The following EML5 variants were observed in gnomAD, a reference collection of about 807,000 sequenced individuals.
The protein encoded by EML5 is EMAP like 5, also known as echinoderm microtubule-associated protein-like 5.
Under a neutral mutation model 250.0 loss-of-function variants are expected in EML5, and 120 were observed. The ratio of observed to expected loss-of-function variants is 0.48; its 90% CI spans 0.41 to 0.56. EML5 has a LOEUF of 0.56. Ranked by LOEUF, EML5 falls within the 20% of genes least tolerant of loss-of-function variation. The probability of loss-of-function intolerance (pLI) is 0.00; values close to 1 mark genes in which losing one functional copy is unlikely to be tolerated. For synonymous variants in EML5, 771 were observed against 806.5 expected (o/e 0.96, Z 0.75); for missense variants, 2,006 against 2,437.6 (o/e 0.82, Z 3.73).
rs1210591129 is a variant in EML5 at position 88,618,259 on chromosome 14, T to C, written c.5611A>G (p.Ile1871Val). ...CATGTAGCCCAAGTAATTCTGTCAATAGCGGCATGATCCATAAGATGTTTT... is the reference window on the plus strand; with the variant it reads ...CATGTAGCCCAAGTAATTCTGTCAACAGCGGCATGATCCATAAGATGTTTT... ...SGKHLMDHAA[I>V]DRITWATWTS... is the part of the protein sequence containing the mutation. The change falls in exon 41 of 44, where the codon ATT (isoleucine) becomes GTT (valine). Residue 1871 changes from isoleucine to valine, a missense_variant. This residue lies in a region of EML5 where 405 missense variants were observed against 523.3 expected (regional missense o/e 0.77). Transcript: ENST00000554922. 5 of 1,613,802 alleles carry C rather than the reference T, an allele frequency of 3.1e-6. No homozygotes were observed. The highest frequency in any genetic ancestry group is 4.2e-6 in the Non-Finnish European group (5 of 1,179,838).
At chr14:88,662,886 T>C (rs552431668) in intron 24 of EML5, 145 bp downstream of exon 24, 2 of 613,546 alleles carry the variant, frequency 3.3e-6, no homozygotes, top group Non-Finnish European at 5.5e-6. Context: ...ACCCATGTAT[T>C]CTGACTCAAT....
intron 19 of EML5, among the ~76,000 whole-genome samples, chr14:88,685,876 C>G (rs553890649): frequency 6.6e-6 from 1 of 151,934 alleles, no homozygotes; most frequent in South Asian, 2.1e-4. Flanking sequence ...TTTTATTTTT[C>G]TCTAGCATAT....
intron 8 of EML5, among the ~76,000 whole-genome samples, chr14:88,718,397 T>C (rs968046115): frequency 2.0e-5 from 3 of 152,174 alleles, no homozygotes; most frequent in Admixed American, 6.6e-5. Flanking sequence ...TTTGAGGACC[T>C]CTAATATTTA....
At position 88,622,606 on chromosome 14, in the gene EML5, T is replaced by C. The variant is rs769203272; in HGVS notation, c.5011A>G (p.Lys1671Glu). 3.8e-6 allele frequency: 6 copies of C among 1,597,224 alleles called. No homozygotes were observed. The South Asian group carries it at 6.8e-5, about 18-fold the overall frequency. Residue 1671 changes from lysine to glutamate, a missense_variant and splice_region_variant, in exon 37 of 44, where the codon AAA becomes GAA. Coordinates refer to ENST00000554922, the MANE Select transcript of EML5 (RefSeq NM_183387.3). ...TDCVRSVCRG[K>E]GKILVGTRNA... Reference sequence around the variant, plus strand: ...TATCAGCTCATGGAACATCTTACTTTGCCTCTGCACACAGAACGAACACAA... The same window carrying C: ...TATCAGCTCATGGAACATCTTACTTCGCCTCTGCACACAGAACGAACACAA...
At chr14:88,776,593 G>A (rs1400222985) in intron 1 of EML5, among the ~76,000 whole-genome samples, 4 of 151,836 alleles carry the variant, frequency 2.6e-5, no homozygotes, top group African/African-American at 4.8e-5. Flanking sequence ...AAAAAACAAT[G>A]AAGTGGGTCG....
intron 21 of EML5, among the ~76,000 whole-genome samples, chr14:88,668,537 G>A (rs2092370550): frequency 6.6e-6 from 1 of 152,180 alleles, no homozygotes; most frequent in African/African-American, 2.4e-5. Flanking sequence ...AAATGGACAA[G>A]TAGGGAAAAA....
At chr14:88,664,663 T>C (rs1315988028) in intron 22 of EML5, 39 bp from the exon 23 acceptor site, 2 of 1,589,192 alleles carry the variant, frequency 1.3e-6, no homozygotes, top group Non-Finnish European at 8.5e-7. Flanking sequence ...TTTCTATCTT[T>C]GGAAATACTT....
intron 10 of EML5, among the ~76,000 whole-genome samples, chr14:88,711,475 A>ATTC (rs1311273462): frequency 4.8e-5 from 7 of 147,064 alleles, no homozygotes; most frequent in Non-Finnish European, 8.9e-5. Flanking sequence ...ATGAAGGAGA[A>ATTC]GTCCATGAGA....
At chr14:88,625,744 A>G (rs1240504781) in intron 35 of EML5, 1 of 152,206 alleles carries the variant, frequency 6.6e-6, no homozygotes, top group Non-Finnish European at 1.5e-5. Context: ...AGAATACCCA[A>G]AATGTTCAAC....
At chr14:88,637,480 G>C (rs886432195) in intron 32 of EML5, among the ~76,000 whole-genome samples, 1 of 152,100 alleles carries the variant, frequency 6.6e-6, no homozygotes, top group Non-Finnish European at 1.5e-5. Flanking sequence ...CTAACAGAGG[G>C]AGAGCAAAGG....
intron 32 of EML5, among the ~76,000 whole-genome samples, chr14:88,636,681 G>A (rs1009385977): frequency 6.6e-6 from 1 of 151,964 alleles, no homozygotes; most frequent in Non-Finnish European, 1.5e-5. Context: ...ACAAATAAAA[G>A]ATAAGAACTA....
chr14:88,738,837 T>C (rs2093883962), intron 6 of EML5, 42 bp downstream of exon 6: 1 of 1,533,942 alleles, frequency 6.5e-7, no homozygotes. Context: ...CTTTGGGAAG[T>C]TTAGAGTTTG....
At chr14:88,618,841 T>C (rs1194375007) in intron 39 of EML5, 29 bp from the exon 40 acceptor site, 3 of 1,543,054 alleles carry the variant, frequency 1.9e-6, no homozygotes, top group Non-Finnish European at 1.7e-6. Context: ...TAAAAAGTAT[T>C]AGACCACATG....
intron 23 of EML5, among the ~76,000 whole-genome samples, chr14:88,663,648 CAA>C (rs2092207279): frequency 6.6e-6 from 1 of 151,786 alleles, no homozygotes; most frequent in Admixed American, 6.6e-5. Context: ...TCATATCAAA[CAA>C]TGAGAAAAAT....
chr14:88,618,805 G>C lies in EML5; in HGVS notation c.5383C>G (p.Pro1795Ala). The change falls in exon 40 of 44, where the codon CCG becomes GCG. Residue 1795 changes from proline to alanine, a missense_variant. Pro to Ala is a conservative substitution (Grantham distance 27). Coordinates refer to ENST00000554922, the MANE Select transcript of EML5 (RefSeq NM_183387.3). ...RCAIHDIRFSPDSRYLAVGSS... is the reference protein window; with the variant it reads ...RCAIHDIRFSADSRYLAVGSS... ...CCTACTGCCAGATACCGGGAATCCG[G>C]ACTAAATCTGAATCAAAACAAAACG... 6.3e-7 allele frequency: 1 copy of C among 1,580,376 alleles called. No homozygotes were observed. The highest frequency in any genetic ancestry group is 8.6e-7 in the Non-Finnish European group (1 of 1,161,986).
At position 88,687,199 on chromosome 14, in the gene EML5, A is replaced by T; in HGVS notation, c.2854+17T>A. The T allele has an allele frequency of 1.3e-6, 2 of 1,581,582 alleles. No individual in the cohort carries two copies. Among genetic ancestry groups the T allele is most frequent in the Non-Finnish European group, 1.7e-6 (2 of 1,159,008 alleles). The stretch of plus-strand genomic sequence containing the variant: ...TCTTTTTTTCCTATACAAAAACCCC[A>T]CTAAGTCTCAAATCACCTTTAGATC... On this transcript the variant is annotated intron_variant, in intron 19 of 43. Transcript: ENST00000554922.
intron 1 of EML5, among the ~76,000 whole-genome samples, chr14:88,773,984 T>C (rs1004789868): frequency 2.6e-5 from 4 of 152,152 alleles, no homozygotes; most frequent in Non-Finnish European, 5.9e-5. Flanking sequence ...CTTGGTGTGG[T>C]GGCAGGTGCC....
intron 37 of EML5, 167 bp downstream of exon 37, chr14:88,622,437 G>A: frequency 4.1e-6 from 2 of 487,510 alleles, no homozygotes; most frequent in Non-Finnish European, 7.0e-6. Context: ...CACCACACTG[G>A]TGCTAACTTT....
intron 27 of EML5, among the ~76,000 whole-genome samples, chr14:88,655,680 T>C (rs1050682543): frequency 2.0e-5 from 3 of 152,072 alleles, no homozygotes; most frequent in Non-Finnish European, 2.9e-5. Context: ...ATCATCAGAG[T>C]GAATAGGCAA....
Sources: gnomAD v4.1 joint callset for allele counts (sites outside exome capture counted in the v4.1 genomes callset) on GRCh38, gnomAD v4.1.1 for gene constraint, gnomAD v4.1.1 regional missense constraint, MANE v1.5 for transcripts, NCBI Gene and HGNC (gene_info 2026-07-23, HGNC 2026-07-21) for gene names.